The following CMIP variants were observed in gnomAD, a reference collection of about 807,000 sequenced individuals.
CMIP encodes C-Maf-inducing protein.
CMIP carries 13 observed loss-of-function variants against 97.3 expected under a neutral mutation model. The ratio of observed to expected loss-of-function variants is 0.13; its 90% confidence interval spans 0.09 to 0.21. The LOEUF is 0.21. CMIP is among the 10% of genes least tolerant of loss of function. The probability of loss-of-function intolerance (pLI) is 1.00; values close to 1 mark genes in which losing one functional copy is unlikely to be tolerated. For missense variants in CMIP, 847 were observed against 1,024.9 expected (o/e 0.83, Z 2.37); for synonymous variants, 538 against 436.3 (o/e 1.23, Z -2.91).
chr16:81,572,637 C>T (rs1024204439), intron 1 of CMIP, among the ~76,000 whole-genome samples: 5 of 152,208 alleles, frequency 3.3e-5, no homozygotes, highest in Admixed American at 6.5e-5. Flanking sequence ...GTGCCCGGCC[C>T]GCACATGGTC....
intron 1 of CMIP, among the ~76,000 whole-genome samples, chr16:81,586,668 C>T (rs539191234): frequency 6.6e-6 from 1 of 152,300 alleles, no homozygotes; most frequent in Non-Finnish European, 1.5e-5. Flanking sequence ...TCCTTCAAAG[C>T]CCAACTCAAA....
intron 1 of CMIP, among the ~76,000 whole-genome samples, chr16:81,507,264 G>C (rs1243486895): frequency 6.6e-6 from 1 of 152,110 alleles, no homozygotes; most frequent in Non-Finnish European, 1.5e-5. Context: ...AAAAAAGAAA[G>C]GAAGATCATC....
chr16:81,524,778 ATTT>A (rs2090096370), intron 1 of CMIP, among the ~76,000 whole-genome samples: 2 of 149,954 alleles, frequency 1.3e-5, no homozygotes, highest in Non-Finnish European at 3.0e-5. Context: ...TGCAGGGAGC[ATTT>A]TTATTTCTTT....
intron 1 of CMIP, among the ~76,000 whole-genome samples, chr16:81,528,984 C>T (rs1242044697): frequency 6.6e-6 from 1 of 152,158 alleles, no homozygotes; most frequent in South Asian, 2.1e-4. Context: ...TCCATCTATC[C>T]GCCCATCCCT....
At chr16:81,509,177 G>A (rs925884115) in intron 1 of CMIP, among the ~76,000 whole-genome samples, 3 of 152,314 alleles carry the variant, frequency 2.0e-5, no homozygotes, top group East Asian at 1.9e-4. Flanking sequence ...TGTGCTCCCC[G>A]TGTGGCAGAC....
intron 17 of CMIP, 65 bp from the exon 18 acceptor site, chr16:81,703,874 A>AGG: frequency 6.5e-7 from 1 of 1,529,582 alleles, no homozygotes; most frequent in Non-Finnish European, 8.7e-7. Context: ...GATAGGGGAT[A>AGG]GGAGGGCTCA....
At chr16:81,702,744 G>T in intron 17 of CMIP, 75 bp downstream of exon 17, 2 of 1,356,300 alleles carry the variant, frequency 1.5e-6, no homozygotes, top group Non-Finnish European at 2.1e-6. Context: ...ACGGCAGGTG[G>T]TGTCTGCTGC....
chr16:81,696,810 G>A (rs1289362581), intron 14 of CMIP, 143 bp downstream of exon 14: 4 of 680,456 alleles, frequency 5.9e-6, no homozygotes, highest in African/African-American at 3.6e-5. Context: ...AGGTGGTGGT[G>A]GTGGTGGTGG....
intron 1 of CMIP, among the ~76,000 whole-genome samples, chr16:81,579,230 G>A (rs796211347): frequency 2.6e-5 from 4 of 152,320 alleles, no homozygotes; most frequent in African/African-American, 9.6e-5. Flanking sequence ...AAGGTGAAGG[G>A]TGGTGGCGGT....
chr16:81,491,009 G>A (rs567295336), intron 1 of CMIP, among the ~76,000 whole-genome samples: 3 of 152,112 alleles, frequency 2.0e-5, no homozygotes, highest in African/African-American at 7.2e-5. Flanking sequence ...TGGAGGGGTC[G>A]AGATTTGAAC....
Position 81,553,010 on chromosome 16 carries a change from G to A in CMIP, c.301-54557G>A, listed in dbSNP as rs142562176. On this transcript the variant is annotated intron_variant, in intron 1 of 20. Transcript: ENST00000537098. ...GGACAGGAAAGTCTCCTCTAAAGAC[G>A]TGACTTGTCAGCTGCTGTCTGGGGA... is the stretch of plus-strand genomic sequence containing the variant. Among the ~76,000 whole-genome samples, 951 of 152,334 alleles carry A rather than the reference G, an allele frequency of 6.2e-3. 8 individuals carry two copies. Among genetic ancestry groups the A allele is most frequent in the Non-Finnish European group, 0.01 (682 of 68,030 alleles).
At chr16:81,698,778 C>G (rs1258376266) in intron 14 of CMIP, among the ~76,000 whole-genome samples, 13 of 152,178 alleles carry the variant, frequency 8.5e-5, no homozygotes, top group Admixed American at 8.5e-4. Flanking sequence ...TCCTCCCGGC[C>G]TCAGTCCCTG....
rs918476586 is a variant in CMIP, at chr16:81,652,704, C to T, written c.639+340C>T. 2.0e-5 allele frequency among the ~76,000 whole-genome samples: 3 copies of T among 152,152 alleles called. No homozygotes were observed. The highest frequency in any genetic ancestry group is 2.1e-4 in the South Asian group (1 of 4,834). ...CCAGGGGGATTCAGCTTTCTGCCCTCGTCACCCCACAAAGCCTGTAGATGT... is the reference window on the plus strand; with the variant it reads ...CCAGGGGGATTCAGCTTTCTGCCCTTGTCACCCCACAAAGCCTGTAGATGT... On this transcript the variant is annotated intron_variant, in intron 4 of 20. Transcript: ENST00000537098. The surrounding 1 kb of genome is among the most constrained non-coding windows in gnomAD (Gnocchi z 5.2).
chr16:81,598,829 C>G (rs1022621963), intron 1 of CMIP, among the ~76,000 whole-genome samples: 8 of 151,948 alleles, frequency 5.3e-5, no homozygotes, highest in African/African-American at 1.9e-4. Context: ...ATTATCTGGG[C>G]GTGGTGTTGT....
At chr16:81,460,422 G>A (rs1382441269) in intron 1 of CMIP, among the ~76,000 whole-genome samples, 2 of 152,094 alleles carry the variant, frequency 1.3e-5, no homozygotes, top group Non-Finnish European at 2.9e-5. Flanking sequence ...GCAGTGTCAG[G>A]CCCAGGGATA....
chr16:81,680,259 G>C (rs1331721881), intron 10 of CMIP, among the ~76,000 whole-genome samples: 2 of 152,250 alleles, frequency 1.3e-5, no homozygotes, highest in East Asian at 3.8e-4. Context: ...TGGTCATTCT[G>C]TCATGTATGT....
At chr16:81,487,787 T>C (rs77967723) in intron 1 of CMIP, among the ~76,000 whole-genome samples, 376 of 152,234 alleles carry the variant, frequency 2.5e-3, no homozygotes, top group Admixed American at 8.0e-3. Flanking sequence ...TGGCACGGAG[T>C]AAAGGCTCAA....
At chr16:81,618,635 C>T (rs534050234) in intron 2 of CMIP, 4 of 152,350 alleles carry the variant, frequency 2.6e-5, no homozygotes, top group South Asian at 2.1e-4. Flanking sequence ...GCCCGTCTCT[C>T]CCCAGCTCTG....
chr16:81,584,228 G>A (rs1454944558), intron 1 of CMIP, among the ~76,000 whole-genome samples: 2 of 152,132 alleles, frequency 1.3e-5, no homozygotes, highest in Non-Finnish European at 2.9e-5. Context: ...TGGAGTGTAA[G>A]CCCCCTACTA....
Sources: allele counts gnomAD v4.1 joint callset (sites outside exome capture counted in the v4.1 genomes callset), GRCh38; gene constraint gnomAD v4.1.1; non-coding constraint Gnocchi (gnomAD v3.1); transcripts MANE v1.5; gene names NCBI Gene and HGNC (gene_info 2026-07-23, HGNC 2026-07-21).